GLRA1: variants seen among roughly 807,000 people sequenced by gnomAD.
The protein encoded by GLRA1 is glycine receptor subunit alpha-1.
Under a neutral mutation model 48.3 loss-of-function variants are expected in GLRA1, and 37 were observed. That is an observed-to-expected ratio of 0.77 (90% CI 0.59 to 1.01). The LOEUF is 1.01. Among genes scored for constraint, GLRA1 ranks in the 50% least tolerant of loss-of-function variants. GLRA1 has a pLI of 0.00. For missense variants in GLRA1, 427 were observed against 571.0 expected, an observed-to-expected ratio of 0.75 and a Z score of 2.57; for synonymous variants, 196 against 210.7, an observed-to-expected ratio of 0.93 and a Z score of 0.60.
intron 7 of GLRA1, among the ~76,000 whole-genome samples, chr5:151,836,739 G>A (rs867881971): frequency 1.3e-5 from 2 of 152,148 alleles, no homozygotes; most frequent in Non-Finnish European, 2.9e-5. Context: ...AAACTGTCTA[G>A]CCTTAAGCAG....
At chr5:151,892,576 T>G in intron 1 of GLRA1, 138 bp from the exon 2 acceptor site, 2 of 900,352 alleles carry the variant, frequency 2.2e-6, no homozygotes, top group Non-Finnish European at 1.8e-6. Context: ...GGGTCCTTAA[T>G]GAGGTAAGGC....
At chr5:151,842,252 A>G (rs1424436212) in intron 7 of GLRA1, among the ~76,000 whole-genome samples, 7 of 151,772 alleles carry the variant, frequency 4.6e-5, no homozygotes, top group African/African-American at 1.7e-4. Flanking sequence ...ACATTTCCCA[A>G]CTCTTTCTAA....
chr5:151,841,017 T>C (rs1763700302), intron 7 of GLRA1, among the ~76,000 whole-genome samples: 1 of 152,120 alleles, frequency 6.6e-6, no homozygotes, highest in Admixed American at 6.5e-5. Context: ...ATTGACACTG[T>C]AAACCAACTA....
intron 8 of GLRA1, among the ~76,000 whole-genome samples, chr5:151,825,695 T>G (rs1763254926): frequency 6.6e-6 from 1 of 152,142 alleles, no homozygotes; most frequent in Non-Finnish European, 1.5e-5. Context: ...TTCCTGATAA[T>G]TTGCCTAAGG....
At chr5:151,917,858 G>A (rs749806678) in intron 1 of GLRA1, among the ~76,000 whole-genome samples, 3 of 152,208 alleles carry the variant, frequency 2.0e-5, no homozygotes, top group Non-Finnish European at 4.4e-5. Flanking sequence ...AGGGAGCAGA[G>A]GCTTGTTCTC....
At chr5:151,923,094 C>T (rs1474594981) in intron 1 of GLRA1, among the ~76,000 whole-genome samples, 2 of 149,652 alleles carry the variant, frequency 1.3e-5, no homozygotes, top group East Asian at 3.9e-4. Context: ...CTATCTGACT[C>T]TCTGACTATT....
At chr5:151,886,613 A>T (rs1753912789) in intron 3 of GLRA1, 108 bp downstream of exon 3, 2 of 852,558 alleles carry the variant, frequency 2.3e-6, no homozygotes, top group Admixed American at 3.6e-5. Flanking sequence ...ACTTGAGAAA[A>T]ACCCAGCTGA....
chr5:151,845,058 G>A (rs963317315), intron 7 of GLRA1, among the ~76,000 whole-genome samples: 2 of 151,862 alleles, frequency 1.3e-5, no homozygotes, highest in African/African-American at 4.8e-5. Context: ...TTAAGTCTTG[G>A]GATACATATG....
intron 3 of GLRA1, among the ~76,000 whole-genome samples, chr5:151,872,561 T>G (rs1415642701): frequency 6.7e-6 from 1 of 149,748 alleles, no homozygotes; most frequent in African/African-American, 2.6e-5. Context: ...CCTAAAGAAA[T>G]GCACACAGAG....
chr5:151,906,319 C>T (rs1754472118), intron 1 of GLRA1, among the ~76,000 whole-genome samples: 1 of 152,154 alleles, frequency 6.6e-6, no homozygotes, highest in Admixed American at 6.5e-5. Context: ...TAAGTTTAAC[C>T]TAATAATTCT....
In GLRA1 at chr5:151,822,631, C is replaced by T. The variant is rs557677019; in HGVS notation, c.*42G>A. 10 of 1,379,640 alleles carry T rather than the reference C, an allele frequency of 7.2e-6. No individual in the cohort carries two copies. The highest frequency in any genetic ancestry group is 1.7e-5 in the Admixed American group (1 of 59,708). 85.5% of individuals were successfully genotyped at this position (1,379,640 alleles called of 1,614,324 possible). On this transcript the variant is annotated 3_prime_UTR_variant, in exon 9 of 9. Coordinates refer to ENST00000274576, the MANE Select transcript of GLRA1 (RefSeq NM_000171.4). ...AGTCTCTCAGATTCCTGTGCTATTC[C>T]CACGTTCCCCTCTCCCAGCCTCCCC...
intron 3 of GLRA1, among the ~76,000 whole-genome samples, chr5:151,877,133 T>G (rs1184969363): frequency 6.6e-6 from 1 of 152,224 alleles, no homozygotes; most frequent in African/African-American, 2.4e-5. Context: ...GGTACTTTGT[T>G]ATGGTAGCAC....
chr5:151,834,620 A>C lies in GLRA1; in HGVS notation c.913-5553T>G, dbSNP rs540171737. Among the ~76,000 whole-genome samples, 8 of 152,330 alleles carry C rather than the reference A, an allele frequency of 5.3e-5. No homozygotes were observed. The South Asian group carries it at 1.4e-3, about 28-fold the overall frequency. On this transcript the variant is annotated intron_variant, in intron 7 of 8. Coordinates refer to ENST00000274576, the MANE Select transcript of GLRA1 (RefSeq NM_000171.4). ...AGCTAGCAGAAGACAAGAAATAACT[A>C]AAATCAGAGCAGAACTGAAGGAGAT...
intron 1 of GLRA1, among the ~76,000 whole-genome samples, chr5:151,903,434 A>G (rs2113439596): frequency 6.6e-6 from 1 of 152,256 alleles, no homozygotes; most frequent in African/African-American, 2.4e-5. Context: ...GGCTCTAATA[A>G]TGCTCTCTAA....
chr5:151,878,175 G>C (rs1753673911), intron 3 of GLRA1, among the ~76,000 whole-genome samples: 1 of 152,184 alleles, frequency 6.6e-6, no homozygotes, highest in Non-Finnish European at 1.5e-5. Flanking sequence ...TGAGGAACTT[G>C]TTGGGAACTG....
At chr5:151,858,201 CTT>C (rs747201943) in intron 4 of GLRA1, among the ~76,000 whole-genome samples, 2 of 152,108 alleles carry the variant, frequency 1.3e-5, no homozygotes, top group Admixed American at 6.6e-5. Context: ...ATGTGGGCCC[CTT>C]TAAGCACAAG....
At chr5:151,892,283 G>A (rs1285235210) in intron 2 of GLRA1, 28 bp downstream of exon 2, 1 of 1,610,350 alleles carries the variant, frequency 6.2e-7, no homozygotes, top group Non-Finnish European at 8.5e-7. Context: ...GCATTTCCCT[G>A]TGGGTCTGGA....
intron 1 of GLRA1, among the ~76,000 whole-genome samples, chr5:151,921,779 T>A (rs996533201): frequency 6.6e-6 from 1 of 152,158 alleles, no homozygotes; most frequent in African/African-American, 2.4e-5. Flanking sequence ...GGGAAAACAT[T>A]TAGGTTATTG....
At chr5:151,887,735 G>C (rs73285984) in intron 2 of GLRA1, among the ~76,000 whole-genome samples, 1,594 of 152,274 alleles carry the variant, frequency 0.01, 26 homozygotes, top group African/African-American at 0.037. Flanking sequence ...CACAGACAGT[G>C]GCAGAGTCCA....
Sources: allele counts gnomAD v4.1 joint callset (sites outside exome capture counted in the v4.1 genomes callset), GRCh38; gene constraint gnomAD v4.1.1; transcripts MANE v1.5; gene names NCBI Gene and HGNC (gene_info 2026-07-23, HGNC 2026-07-21).